Variants in CNTNAP2 observed in about 807,000 individuals in gnomAD.
The protein encoded by CNTNAP2 is contactin associated protein 2, also known as contactin-associated protein-like 2.
Under a neutral mutation model 155.2 loss-of-function variants are expected in CNTNAP2, and 98 were observed. The observed-to-expected ratio is 0.63, with a 90% CI of 0.54 to 0.75. CNTNAP2 has a LOEUF of 0.75. Ranked by LOEUF, CNTNAP2 falls within the 30% of genes least tolerant of loss-of-function variation. The probability of loss-of-function intolerance (pLI) is 0.00; values close to 1 mark genes in which losing one functional copy is unlikely to be tolerated. For synonymous variants in CNTNAP2, 651 were observed against 631.2 expected, an observed-to-expected ratio of 1.03 and a Z score of -0.47; for missense variants, 1,727 against 1,688.1, an observed-to-expected ratio of 1.02 and a Z score of -0.40.
At chr7:148,117,950 A>G (rs1029878127) in intron 15 of CNTNAP2, among the ~76,000 whole-genome samples, 168 bp from the exon 16 acceptor site, 1 of 151,958 alleles carries the variant, frequency 6.6e-6, no homozygotes, top group African/African-American at 2.4e-5. Flanking sequence ...AACTTTTGGA[A>G]AGTCAAAAAT....
chr7:146,463,314 C>T (rs1408179090), intron 1 of CNTNAP2, among the ~76,000 whole-genome samples: 12 of 151,996 alleles, frequency 7.9e-5, no homozygotes, highest in Non-Finnish European at 1.3e-4. Context: ...ATGTATTCAC[C>T]TTTCTTTTTG....
chr7:148,365,706 TTA>T (rs1445450191), intron 21 of CNTNAP2, among the ~76,000 whole-genome samples: 3 of 54,748 alleles, frequency 5.5e-5, no homozygotes, highest in Admixed American at 5.1e-4. Flanking sequence ...ATGTATACTT[TTA>T]TATATATGTA....
intron 11 of CNTNAP2, among the ~76,000 whole-genome samples, chr7:147,524,476 T>G (rs1200867892): frequency 6.6e-6 from 1 of 152,168 alleles, no homozygotes; most frequent in Non-Finnish European, 1.5e-5. Flanking sequence ...AAATATAATT[T>G]CTAATGTGGG....
chr7:146,680,126 T>G (rs1057082273), intron 1 of CNTNAP2, among the ~76,000 whole-genome samples: 1 of 152,156 alleles, frequency 6.6e-6, no homozygotes, highest in Non-Finnish European at 1.5e-5. Flanking sequence ...TTCATTTCAG[T>G]TAGGTATTAT....
intron 17 of CNTNAP2, among the ~76,000 whole-genome samples, chr7:148,154,500 G>A (rs1435955239): frequency 6.6e-6 from 1 of 152,190 alleles, no homozygotes; most frequent in Non-Finnish European, 1.5e-5. Flanking sequence ...AGTGCCATCT[G>A]AAATGCAGTA....
chr7:146,932,386 A>C (rs144572863), intron 3 of CNTNAP2, among the ~76,000 whole-genome samples: 44,447 of 148,856 alleles, frequency 0.3, 1,986 homozygotes, highest in Middle Eastern at 0.35. Flanking sequence ...AAATTCAACA[A>C]CCCTTCATGC....
chr7:146,705,973 T>C (rs1800958838), intron 1 of CNTNAP2, among the ~76,000 whole-genome samples: 1 of 152,170 alleles, frequency 6.6e-6, no homozygotes, highest in African/African-American at 2.4e-5. Context: ...ATTCAAACCA[T>C]AGCAGACAGA....
rs147440438 is a variant in CNTNAP2, at chr7:147,133,471, C to G, written c.1348+962C>G. Among the ~76,000 whole-genome samples, 50 of 152,094 alleles carry G rather than the reference C, an allele frequency of 3.3e-4. No homozygotes were observed. The East Asian group carries it at 8.6e-3, about 26-fold the overall frequency. ...CTGAATATGCCATATACTCTCATGGCACCCTATGCATATACCTGACACGGT... is the reference window on the plus strand; with the variant it reads ...CTGAATATGCCATATACTCTCATGGGACCCTATGCATATACCTGACACGGT... On this transcript the variant is annotated intron_variant, in intron 8 of 23. Coordinates refer to ENST00000361727, the MANE Select transcript of CNTNAP2 (RefSeq NM_014141.6).
intron 1 of CNTNAP2, among the ~76,000 whole-genome samples, chr7:146,557,805 G>T (rs1421114401): frequency 6.6e-6 from 1 of 152,100 alleles, no homozygotes; most frequent in Non-Finnish European, 1.5e-5. Context: ...ATTTAATTTT[G>T]TTGTTTACAA....
chr7:147,959,435 G>T (rs146882310), intron 14 of CNTNAP2, among the ~76,000 whole-genome samples: 1 of 152,082 alleles, frequency 6.6e-6, no homozygotes, highest in Non-Finnish European at 1.5e-5. Context: ...AGGGTTCTTG[G>T]CTTCTCCCAG....
At chr7:147,773,330 C>A (rs1201593151) in intron 13 of CNTNAP2, among the ~76,000 whole-genome samples, 1 of 152,042 alleles carries the variant, frequency 6.6e-6, no homozygotes, top group Non-Finnish European at 1.5e-5. Flanking sequence ...ATTACAGAAA[C>A]TGATAACACA....
chr7:147,840,479 G>C (rs1407021321), intron 13 of CNTNAP2, among the ~76,000 whole-genome samples: 1 of 152,098 alleles, frequency 6.6e-6, no homozygotes, highest in Non-Finnish European at 1.5e-5. Flanking sequence ...GGTAGCTCTA[G>C]GAGAGTGCCC....
intron 1 of CNTNAP2, among the ~76,000 whole-genome samples, chr7:146,121,390 T>C (rs1797561539): frequency 1.3e-5 from 2 of 152,112 alleles, no homozygotes; most frequent in Admixed American, 1.3e-4. Flanking sequence ...TTTTTGTATT[T>C]GTTGTAAATG....
intron 16 of CNTNAP2, among the ~76,000 whole-genome samples, chr7:148,136,023 G>GAA (rs1804938763): frequency 8.7e-5 from 5 of 57,164 alleles, no homozygotes; most frequent in African/African-American, 5.8e-4. Context: ...AAGGAAGGGA[G>GAA]GGAGGGAGGG....
At chr7:148,218,744 A>G (rs1231194539) in intron 19 of CNTNAP2, among the ~76,000 whole-genome samples, 2 of 151,976 alleles carry the variant, frequency 1.3e-5, no homozygotes, top group Non-Finnish European at 2.9e-5. Context: ...TCAAACACAC[A>G]TTAAGCCAGA....
At chr7:147,467,403 C>A (rs1798139347) in intron 10 of CNTNAP2, among the ~76,000 whole-genome samples, 1 of 152,086 alleles carries the variant, frequency 6.6e-6, no homozygotes, top group Non-Finnish European at 1.5e-5. Context: ...ATCAATTATT[C>A]TCATAAGAAA....
At chr7:146,297,167 C>G (rs1387909450) in intron 1 of CNTNAP2, among the ~76,000 whole-genome samples, 1 of 151,798 alleles carries the variant, frequency 6.6e-6, no homozygotes, top group African/African-American at 2.4e-5. Context: ...GTAACATTTC[C>G]CAATACTTAT....
intron 22 of CNTNAP2, among the ~76,000 whole-genome samples, chr7:148,408,103 G>A (rs1799745974): frequency 6.6e-6 from 1 of 152,046 alleles, no homozygotes; most frequent in African/African-American, 2.4e-5. Flanking sequence ...AAATTAGCCA[G>A]GCATGGTGGC....
intron 19 of CNTNAP2, among the ~76,000 whole-genome samples, chr7:148,220,882 C>T (rs1000087139): frequency 6.6e-6 from 1 of 152,138 alleles, no homozygotes; most frequent in Non-Finnish European, 1.5e-5. Context: ...GTTCACTACC[C>T]ACATGGACCA....
Sources: gnomAD v4.1 joint callset for allele counts (sites outside exome capture counted in the v4.1 genomes callset) on GRCh38, gnomAD v4.1.1 for gene constraint, MANE v1.5 for transcripts, NCBI Gene and HGNC (gene_info 2026-07-23, HGNC 2026-07-21) for gene names.